RHOBTB1: variants seen among roughly 807,000 people sequenced by gnomAD.
The protein encoded by RHOBTB1 is Rho related BTB domain containing 1.
In RHOBTB1, 40 loss-of-function variants were observed where a neutral mutation model predicts 71.6. That is an observed-to-expected ratio of 0.56 (90% CI 0.43 to 0.73). RHOBTB1 has a LOEUF of 0.73. RHOBTB1 is among the 30% of genes least tolerant of loss of function. RHOBTB1 has a pLI of 0.00. For synonymous variants in RHOBTB1, 319 were observed against 334.9 expected (o/e 0.95, Z 0.52); for missense variants, 797 against 894.0 (o/e 0.89, Z 1.38).
intron 2 of RHOBTB1, among the ~76,000 whole-genome samples, chr10:60,984,991 T>A (rs753139050): frequency 6.6e-6 from 1 of 152,210 alleles, no homozygotes; most frequent in Non-Finnish European, 1.5e-5. Context: ...TTGTTGAAGT[T>A]ACTATATGTA....
rs1554826828 is a variant in RHOBTB1 at position 60,871,463 on chromosome 10, G to GA, written c.*18_*19insT. 1.2e-6 allele frequency: 2 copies of GA among 1,604,402 alleles called. No homozygotes were observed. Among genetic ancestry groups the GA allele is most frequent in the African/African-American group, 2.7e-5 (2 of 74,050 alleles). ...GATTACCGATTGGTTTCTGTTTTTT[G>GA]TTTTTTTTCTCTTCCTCTTCAGGCC... On this transcript the variant is annotated 3_prime_UTR_variant, in exon 11 of 11. Transcript: ENST00000337910.
At chr10:60,921,691 T>C (rs890461171) in intron 2 of RHOBTB1, among the ~76,000 whole-genome samples, 4 of 152,190 alleles carry the variant, frequency 2.6e-5, no homozygotes, top group Non-Finnish European at 5.9e-5. Context: ...CCACCTTTCT[T>C]AGAAAACCTT....
rs764969898 is a variant in RHOBTB1, at chr10:60,888,390, C to A, written c.1278G>T (p.Lys426Asn). The A allele has an allele frequency of 1.2e-6, 2 of 1,614,174 alleles. No individual in the cohort carries two copies. Among genetic ancestry groups the A allele is most frequent in the Non-Finnish European group, 8.5e-7 (1 of 1,180,022 alleles). ...QFLYTGQLDE[K>N]EKDLVGLAQI... is the part of the protein sequence containing the mutation. ...GAGCCAGGCCCACCAAATCCTTTTCCTTTTCATCCAGTTGTCCCGTATAAA... is the reference window on the plus strand; with the variant it reads ...GAGCCAGGCCCACCAAATCCTTTTCATTTTCATCCAGTTGTCCCGTATAAA... Residue 426 changes from lysine (K) to asparagine (N), a missense_variant, in exon 6 of 11, where the codon AAG becomes AAT. Lys to Asn is a moderately conservative substitution (Grantham distance 94, BLOSUM62 0). Around this residue, in one of 2 missense-constraint regions of RHOBTB1, gnomAD observed 658 missense variants for 681.5 expected, o/e 0.97. Transcript: ENST00000337910.
rs1166260765 is a variant in RHOBTB1 at position 60,888,579 on chromosome 10, A to G, written c.1089T>C (p.Gly363=). 2 of 1,614,028 alleles carry G rather than the reference A, an allele frequency of 1.2e-6. No individual in the cohort carries two copies. The highest frequency in any genetic ancestry group is 4.5e-5 in the East Asian group (2 of 44,842). The part of the protein sequence containing the change: ...LVEALGLEAE[G]AVPETQTLTG... ...TCAAAGTCTGTGTCTCAGGAACTGCACCCTCGGCTTCCAGCCCCAGAGCCT... is the reference window on the plus strand; with the variant it reads ...TCAAAGTCTGTGTCTCAGGAACTGCGCCCTCGGCTTCCAGCCCCAGAGCCT... Residue 363 remains glycine (G), a synonymous_variant, in exon 6 of 11, where the codon GGT becomes GGC. Transcript: ENST00000337910.
chr10:60,953,290 T>C (rs1282727949), intron 2 of RHOBTB1, among the ~76,000 whole-genome samples: 1 of 152,196 alleles, frequency 6.6e-6, no homozygotes, highest in Non-Finnish European at 1.5e-5. Flanking sequence ...AAGCTATACA[T>C]ACAAGACCCC....
chr10:60,878,099 C>G (rs1326695921), intron 7 of RHOBTB1, 41 bp from the exon 8 acceptor site: 5 of 1,563,240 alleles, frequency 3.2e-6, no homozygotes, highest in East Asian at 2.3e-5. Flanking sequence ...CTGCAGAAAG[C>G]AGGGAGTGGG....
chr10:60,977,299 A>G (rs886477473), intron 2 of RHOBTB1, among the ~76,000 whole-genome samples: 17 of 152,106 alleles, frequency 1.1e-4, no homozygotes, highest in African/African-American at 4.1e-4. Flanking sequence ...ATAATGCAAT[A>G]TGGAGAAATA....
intron 2 of RHOBTB1, among the ~76,000 whole-genome samples, chr10:60,916,414 C>T (rs2083273188): frequency 6.6e-6 from 1 of 152,160 alleles, no homozygotes. Context: ...CCAGGTGAAA[C>T]CAGCAGTGGA....
At chr10:60,864,189 C>A in the RHOBTB1 span, among the ~76,000 whole-genome samples, 2 of 152,246 alleles carry the variant, frequency 1.3e-5, no homozygotes, top group Non-Finnish European at 2.9e-5. Context: ...TTAAGTGAAC[C>A]ACTTGCTTGG....
chr10:60,900,504 G>T (rs914001720), intron 4 of RHOBTB1, among the ~76,000 whole-genome samples: 1 of 152,176 alleles, frequency 6.6e-6, no homozygotes, highest in Non-Finnish European at 1.5e-5. Context: ...ACCCTGAATT[G>T]TAATGGTTTA....
At chr10:60,875,348 C>T (rs1433364974) in intron 8 of RHOBTB1, among the ~76,000 whole-genome samples, 3 of 152,192 alleles carry the variant, frequency 2.0e-5, no homozygotes, top group Non-Finnish European at 4.4e-5. Flanking sequence ...ACTATTTAAA[C>T]TTAAATTACT....
At chr10:60,906,008 A>G (rs1313719132) in intron 4 of RHOBTB1, among the ~76,000 whole-genome samples, 3 of 152,250 alleles carry the variant, frequency 2.0e-5, no homozygotes, top group Non-Finnish European at 4.4e-5. Context: ...CTAGACATAC[A>G]GAAACCATAG....
intron 2 of RHOBTB1, among the ~76,000 whole-genome samples, chr10:60,965,540 AAG>A (rs769186442): frequency 2.0e-5 from 3 of 152,130 alleles, no homozygotes; most frequent in Non-Finnish European, 2.9e-5. Context: ...ACATATTTGT[AAG>A]AGAATTAATT....
chr10:60,885,168 C>T (rs964121196), intron 7 of RHOBTB1, among the ~76,000 whole-genome samples: 7 of 152,082 alleles, frequency 4.6e-5, no homozygotes, highest in African/African-American at 1.4e-4. Context: ...AGCTAAAAGA[C>T]GATTTTAAAT....
chr10:60,994,706 G>A (rs2086987529), intron 1 of RHOBTB1, among the ~76,000 whole-genome samples: 1 of 151,962 alleles, frequency 6.6e-6, no homozygotes, highest in Non-Finnish European at 1.5e-5. Flanking sequence ...AAGGCACTGT[G>A]GGAGATGCTC....
In RHOBTB1 at chr10:60,932,662, G is replaced by C. The variant is rs535088035; in HGVS notation, c.-11+9142C>G. Among the ~76,000 whole-genome samples, 10 of 152,172 alleles carry C rather than the reference G, an allele frequency of 6.6e-5. No homozygotes were observed. The South Asian group carries it at 2.1e-3, about 32-fold the overall frequency. ...AATCAAAATATTGGTCAAGTCTTTA[G>C]AGATGGCAAAGATGTTCATGATACA... On this transcript the variant is annotated intron_variant, in intron 2 of 10. Transcript: ENST00000337910.
intron 2 of RHOBTB1, among the ~76,000 whole-genome samples, chr10:60,959,399 C>A (rs1369041155): frequency 1.3e-5 from 2 of 152,210 alleles, no homozygotes; most frequent in East Asian, 3.9e-4. Flanking sequence ...ATACTGATTG[C>A]CAAGTGAGCA....
At chr10:60,867,221 G>T (rs2080638752), downstream of RHOBTB1, among the ~76,000 whole-genome samples, 1 of 152,106 alleles carries the variant, frequency 6.6e-6, no homozygotes, top group African/African-American at 2.4e-5. Flanking sequence ...CACCCTAACT[G>T]GGACTACCAT....
chr10:60,931,112 C>T (rs1037880081), intron 2 of RHOBTB1, among the ~76,000 whole-genome samples: 1 of 152,030 alleles, frequency 6.6e-6, no homozygotes, highest in Non-Finnish European at 1.5e-5. Context: ...CTTGTTCCTG[C>T]CATTTTCTAC....
Sources: allele counts gnomAD v4.1 joint callset (sites outside exome capture counted in the v4.1 genomes callset), GRCh38; gene constraint gnomAD v4.1.1; regional missense constraint gnomAD v4.1.1; transcripts MANE v1.5; gene names NCBI Gene and HGNC (gene_info 2026-07-23, HGNC 2026-07-21).